Variants in FER observed in about 807,000 individuals in gnomAD.
FER encodes FER tyrosine kinase.
FER carries 63 observed loss-of-function variants against 111.0 expected under a neutral mutation model. The observed-to-expected ratio is 0.57, with a 90% CI of 0.46 to 0.70. The LOEUF (loss-of-function observed/expected upper bound fraction) is 0.70, where lower values mean the gene tolerates loss of function less well. FER is among the 30% of genes least tolerant of loss of function. The pLI is 0.00. For missense variants in FER, 914 were observed against 954.0 expected (o/e 0.96, Z 0.55); for synonymous variants, 327 against 313.9 (o/e 1.04, Z -0.44).
chr5:108,931,721 T>C (rs888084063), intron 10 of FER, among the ~76,000 whole-genome samples: 10 of 152,020 alleles, frequency 6.6e-5, no homozygotes, highest in South Asian at 2.1e-4. Context: ...TCCCAGCTAC[T>C]TGGGAGGCTG....
At chr5:108,838,223 A>G (rs36047276) in intron 5 of FER, among the ~76,000 whole-genome samples, 8,658 of 152,242 alleles carry the variant, frequency 0.057, 341 homozygotes, top group Non-Finnish European at 0.081. Context: ...TTTTTCCAAC[A>G]TATATAGGCT....
intron 13 of FER, among the ~76,000 whole-genome samples, chr5:109,027,805 T>C (rs1768970390): frequency 6.6e-6 from 1 of 152,194 alleles, no homozygotes; most frequent in Non-Finnish European, 1.5e-5. Context: ...GTTCACTTTA[T>C]TTAAAATGAC....
chr5:109,145,088 G>A (rs573739410), intron 17 of FER, among the ~76,000 whole-genome samples: 1,806 of 151,526 alleles, frequency 0.012, 18 homozygotes, highest in Non-Finnish European at 0.02. Context: ...TTCAAATTAA[G>A]AGTTATGCCT....
intron 17 of FER, among the ~76,000 whole-genome samples, chr5:109,109,624 C>G (rs1749356946): frequency 6.6e-6 from 1 of 152,106 alleles, no homozygotes; most frequent in Admixed American, 6.6e-5. Flanking sequence ...TATCTGAAGG[C>G]TTTCCACTCC....
At chr5:109,151,909 C>T (rs1241332952) in intron 17 of FER, among the ~76,000 whole-genome samples, 4 of 152,110 alleles carry the variant, frequency 2.6e-5, no homozygotes, top group African/African-American at 9.7e-5. Flanking sequence ...CACAAAGATG[C>T]ATCTTTATAG....
chr5:109,010,234 T>C (rs1214426132), intron 13 of FER, among the ~76,000 whole-genome samples: 2 of 152,182 alleles, frequency 1.3e-5, no homozygotes, highest in East Asian at 1.9e-4. Flanking sequence ...CTCGGCCCAC[T>C]GCAAGCTCCG....
At chr5:108,975,177 T>C (rs1761170353) in intron 13 of FER, among the ~76,000 whole-genome samples, 1 of 152,156 alleles carries the variant, frequency 6.6e-6, no homozygotes, top group African/African-American at 2.4e-5. Context: ...CTGCATGTTC[T>C]CACTCATAAG....
intron 16 of FER, among the ~76,000 whole-genome samples, chr5:109,081,162 A>G (rs528667947): frequency 2.0e-5 from 3 of 152,058 alleles, no homozygotes; most frequent in Non-Finnish European, 4.4e-5. Context: ...GAGCTCCTAC[A>G]ACTAATTGCT....
chr5:108,882,468 G>A lies in FER; in HGVS notation c.924-928G>A, dbSNP rs116380653. On this transcript the variant is annotated intron_variant, in intron 8 of 19. Transcript: ENST00000281092. ...TGTGTTAAGCATATGAACTTCATAT[G>A]CTTATTGATCATTTAATTTTTTCAT... Among the ~76,000 whole-genome samples, 715 of 151,862 alleles carry A rather than the reference G, an allele frequency of 4.7e-3. 1 individual carries two copies. The highest frequency in any genetic ancestry group is 7.7e-3 in the Non-Finnish European group (525 of 67,880).
intron 2 of FER, among the ~76,000 whole-genome samples, chr5:108,792,364 A>G (rs901001422): frequency 1.3e-5 from 2 of 152,060 alleles, no homozygotes; most frequent in Admixed American, 1.3e-4. Context: ...TTTGAGACGG[A>G]GTTTTGCTCT....
intron 17 of FER, among the ~76,000 whole-genome samples, chr5:109,173,850 A>G (rs1272576682): frequency 2.7e-5 from 4 of 150,614 alleles, no homozygotes; most frequent in African/African-American, 9.8e-5. Context: ...GTAGCAGGAG[A>G]GATCCTTCAA....
At chr5:108,843,609 A>C (rs1223372998) in intron 5 of FER, among the ~76,000 whole-genome samples, 1 of 133,340 alleles carries the variant, frequency 7.5e-6, no homozygotes, top group African/African-American at 2.8e-5. Flanking sequence ...GGGTCGCTGT[A>C]GCCTCCACCT....
chr5:109,062,120 A>AAAC (rs1241893078), intron 16 of FER, among the ~76,000 whole-genome samples: 2 of 152,194 alleles, frequency 1.3e-5, no homozygotes, highest in African/African-American at 2.4e-5. Context: ...TATGAAAAAA[A>AAAC]AACCCTAATA....
chr5:109,000,798 A>T (rs1260463303), intron 13 of FER, among the ~76,000 whole-genome samples: 1 of 152,144 alleles, frequency 6.6e-6, no homozygotes, highest in Non-Finnish European at 1.5e-5. Context: ...TCAAATAGAC[A>T]CAATAAAAAA....
intron 13 of FER, among the ~76,000 whole-genome samples, chr5:109,024,901 C>G (rs1459597658): frequency 5.3e-5 from 8 of 150,394 alleles, no homozygotes; most frequent in Non-Finnish European, 1.0e-4. Flanking sequence ...GCTTGTTTTT[C>G]TCAGGTTTGT....
intron 5 of FER, among the ~76,000 whole-genome samples, chr5:108,846,058 A>G (rs202105345): frequency 8.7e-4 from 133 of 152,146 alleles, no homozygotes; most frequent in African/African-American, 3.2e-3. Context: ...ACCTATGTCT[A>G]TGTTTCTTGT....
Position 108,798,397 on chromosome 5 carries a change from GA to G in FER, c.207+10del, listed in dbSNP as rs1561436227. 3.1e-6 allele frequency: 5 copies of G among 1,596,282 alleles called. 1 individual carries two copies. The highest frequency in any genetic ancestry group is 4.3e-6 in the Non-Finnish European group (5 of 1,166,226). On this transcript the variant is annotated intron_variant, in intron 3 of 19. Coordinates refer to ENST00000281092, the MANE Select transcript of FER (RefSeq NM_005246.4). ...GTCAGCAACGTATCCAAGGTAAGAA[GA>G]ATAATTTCACTCTTTGTTATTTATA...
At chr5:109,024,267 T>A (rs1217961521) in intron 13 of FER, among the ~76,000 whole-genome samples, 1 of 152,196 alleles carries the variant, frequency 6.6e-6, no homozygotes, top group African/African-American at 2.4e-5. Flanking sequence ...TAGTACATAA[T>A]ACTCCTCAGA....
intron 8 of FER, among the ~76,000 whole-genome samples, chr5:108,877,918 T>C (rs865868468): frequency 6.6e-6 from 1 of 152,170 alleles, no homozygotes; most frequent in African/African-American, 2.4e-5. Context: ...TTGTATCTTT[T>C]TTTTTTAGAC....
Sources: gnomAD v4.1 joint callset for allele counts (sites outside exome capture counted in the v4.1 genomes callset) on GRCh38, gnomAD v4.1.1 for gene constraint, MANE v1.5 for transcripts, NCBI Gene and HGNC (gene_info 2026-07-23, HGNC 2026-07-21) for gene names.